The following MMS22L variants were observed in gnomAD, a reference collection of about 807,000 sequenced individuals.
The protein encoded by MMS22L is protein MMS22-like.
MMS22L carries 74 observed loss-of-function variants against 159.1 expected under a neutral mutation model. The observed-to-expected ratio is 0.47, with a 90% CI of 0.39 to 0.56. MMS22L has a LOEUF of 0.56. Among genes scored for constraint, MMS22L ranks in the 20% least tolerant of loss-of-function variants. The pLI, the probability that MMS22L is intolerant of heterozygous loss-of-function variation, is 0.00. For missense variants in MMS22L, 1,351 were observed against 1,422.1 expected, an observed-to-expected ratio of 0.95 and a Z score of 0.80; for synonymous variants, 517 against 506.9, an observed-to-expected ratio of 1.02 and a Z score of -0.27.
In MMS22L at chr6:97,160,827, T is replaced by C. The variant is rs1304497915; in HGVS notation, c.3385+1175A>G. Reference sequence around the variant, plus strand: ...TGTGCTTTAGATTGTATGATCTGTATTGATCTATTTTCAAGTTTGCTAATT... The same window carrying C: ...TGTGCTTTAGATTGTATGATCTGTACTGATCTATTTTCAAGTTTGCTAATT... On this transcript the variant is annotated intron_variant, in intron 22 of 24. Transcript: ENST00000683635. Among the ~76,000 whole-genome samples the C allele has an allele frequency of 3.3e-5, 5 of 152,148 alleles. 1 individual carries two copies. In the South Asian group the frequency reaches 1.0e-3, roughly 32 times the overall value.
intron 14 of MMS22L, among the ~76,000 whole-genome samples, chr6:97,187,982 GA>G (rs931126091): frequency 6.6e-6 from 1 of 152,150 alleles, no homozygotes; most frequent in Non-Finnish European, 1.5e-5. Context: ...AATGGCTGGG[GA>G]AAGAGTATAC....
chr6:97,281,622 GC>G (rs1284229732), intron 2 of MMS22L, among the ~76,000 whole-genome samples: 1 of 152,170 alleles, frequency 6.6e-6, no homozygotes, highest in Non-Finnish European at 1.5e-5. Context: ...ACATATTTCT[GC>G]CTGTCTTCAC....
chr6:97,148,304 T>G (rs958433756), intron 24 of MMS22L, among the ~76,000 whole-genome samples: 1 of 152,232 alleles, frequency 6.6e-6, no homozygotes, highest in African/African-American at 2.4e-5. Flanking sequence ...ATACTTTACT[T>G]TTTATTGTTA....
intron 16 of MMS22L, 92 bp downstream of exon 16, chr6:97,181,812 T>C (rs1562427518): frequency 1.5e-6 from 2 of 1,351,004 alleles, no homozygotes; most frequent in East Asian, 2.3e-5. Context: ...GTAGTAGAGA[T>C]CAGTCCTCAT....
intron 18 of MMS22L, 80 bp from the exon 19 acceptor site, chr6:97,173,302 C>A (rs1803754142): frequency 7.2e-7 from 1 of 1,394,736 alleles, no homozygotes; most frequent in South Asian, 1.3e-5. Flanking sequence ...ATTTTTCTCT[C>A]TTTTTCTACA....
chr6:97,233,726 A>T, intron 12 of MMS22L, 135 bp downstream of exon 12: 1 of 801,648 alleles, frequency 1.2e-6, no homozygotes, highest in South Asian at 2.6e-5. Context: ...TTCACGAGCT[A>T]CTCCAATCTA....
chr6:97,150,118 C>A, intron 23 of MMS22L, 98 bp from the exon 24 acceptor site: 1 of 856,704 alleles, frequency 1.2e-6, no homozygotes, highest in Non-Finnish European at 1.7e-6. Flanking sequence ...TAACAAAGAT[C>A]ATTTCATAAA....
intron 16 of MMS22L, among the ~76,000 whole-genome samples, chr6:97,181,572 C>G (rs2128273881): frequency 6.6e-6 from 1 of 152,182 alleles, no homozygotes; most frequent in South Asian, 2.1e-4. Context: ...ATACCAGTAT[C>G]TTACAGATTC....
At chr6:97,207,023 T>G (rs768432249) in intron 14 of MMS22L, among the ~76,000 whole-genome samples, 1 of 152,160 alleles carries the variant, frequency 6.6e-6, no homozygotes, top group Non-Finnish European at 1.5e-5. Flanking sequence ...TATAATATCT[T>G]TAAAATTATA....
chr6:97,218,088 T>C (rs1415072623), intron 14 of MMS22L, among the ~76,000 whole-genome samples: 3 of 152,142 alleles, frequency 2.0e-5, no homozygotes, highest in Non-Finnish European at 2.9e-5. Flanking sequence ...AAAAATTCAA[T>C]GATAACTAGT....
intron 14 of MMS22L, among the ~76,000 whole-genome samples, chr6:97,224,403 C>T (rs1012496186): frequency 6.6e-6 from 1 of 151,882 alleles, no homozygotes; most frequent in Non-Finnish European, 1.5e-5. Context: ...AGGATTTCTA[C>T]TAAATTGAAT....
chr6:97,181,972 A>T lies in MMS22L; in HGVS notation c.2316T>A (p.Leu772=). The T allele has an allele frequency of 6.2e-7, 1 of 1,613,788 alleles. No homozygotes were observed. Among genetic ancestry groups the T allele is most frequent in the Non-Finnish European group, 8.5e-7 (1 of 1,179,790 alleles). Residue 772 remains leucine, a synonymous_variant, in exon 16 of 25, where the codon CTT becomes CTA. Transcript: ENST00000683635. ...GGCAGATGATATCATCCCAACCAAA[A>T]AGTTGAATAATTGATATAACTGGCT... ...QPQPVISIIQ[L]FGWDDIICPQ...
At chr6:97,210,688 G>T (rs1425146611) in intron 14 of MMS22L, among the ~76,000 whole-genome samples, 1 of 151,898 alleles carries the variant, frequency 6.6e-6, no homozygotes, top group Admixed American at 6.6e-5. Flanking sequence ...AGTCCATATA[G>T]AAATCATGGA....
intron 11 of MMS22L, among the ~76,000 whole-genome samples, chr6:97,235,625 A>G (rs1214990455): frequency 6.6e-6 from 1 of 152,224 alleles, no homozygotes; most frequent in African/African-American, 2.4e-5. Flanking sequence ...AAAAGAAGAA[A>G]TAAGAACCCT....
chr6:97,199,405 C>T (rs938761483), intron 14 of MMS22L, among the ~76,000 whole-genome samples: 2 of 152,078 alleles, frequency 1.3e-5, no homozygotes, highest in African/African-American at 4.8e-5. Context: ...TTTACCTTAA[C>T]GGACTATGTA....
chr6:97,144,294 A>C lies in MMS22L; in HGVS notation c.*2512T>G, dbSNP rs1800792664. 6.6e-6 allele frequency: 1 copy of C among 152,174 alleles called. No homozygotes were observed. The highest frequency in any genetic ancestry group is 6.5e-5 in the Admixed American group (1 of 15,286). 9.4% of individuals were successfully genotyped at this position (152,174 alleles called of 1,614,324 possible). On this transcript the variant is annotated 3_prime_UTR_variant, in exon 25 of 25. Transcript: ENST00000683635. ...GGACTGGTTCCAGGATCCCCTGTGC[A>C]TACCATAATCTGCACTTACTCAAGT...
chr6:97,264,042 T>C (rs892004444), intron 8 of MMS22L: 5 of 152,180 alleles, frequency 3.3e-5, no homozygotes, highest in African/African-American at 1.2e-4. Context: ...AGATAGGACA[T>C]ATTTAAGAGT....
intron 10 of MMS22L, chr6:97,254,145 T>G (rs1387176730): frequency 6.4e-6 from 1 of 156,514 alleles, no homozygotes; most frequent in African/African-American, 2.4e-5. Flanking sequence ...CTGAAGTACT[T>G]TTATTAAATT....
chr6:97,231,633 G>T lies in MMS22L; in HGVS notation c.1322C>A (p.Ser441Tyr), dbSNP rs369399934. The stretch of plus-strand genomic sequence containing the variant: ...AGCAAGGCCTTTAAAAGGAAGCCAA[G>T]AAATACTGAAGGAACTATTCTAAAA... Reference protein sequence around the residue: ...SKNLNSSFSISWLPFKGLANT... With the variant: ...SKNLNSSFSIYWLPFKGLANT... Residue 441 changes from serine to tyrosine, a missense_variant, in exon 13 of 25, where the codon TCT (serine) becomes TAT (tyrosine). Physicochemically the swap from Ser to Tyr is moderately radical, Grantham distance 144. Coordinates refer to ENST00000683635, the MANE Select transcript of MMS22L (RefSeq NM_001350599.2). 2.5e-6 allele frequency: 4 copies of T among 1,608,044 alleles called. No homozygotes were observed. The East Asian group carries it at 8.9e-5, about 36-fold the overall frequency.
Sources: allele counts gnomAD v4.1 joint callset (sites outside exome capture counted in the v4.1 genomes callset), GRCh38; gene constraint gnomAD v4.1.1; transcripts MANE v1.5; gene names NCBI Gene and HGNC (gene_info 2026-07-23, HGNC 2026-07-21).